RALGAPA2: variants seen among roughly 807,000 people sequenced by gnomAD.
RALGAPA2 encodes Ral GTPase activating protein catalytic subunit alpha 2.
Under a neutral mutation model 230.4 loss-of-function variants are expected in RALGAPA2, and 139 were observed. The observed-to-expected ratio is 0.60, with a 90% CI of 0.53 to 0.69. RALGAPA2 has a LOEUF of 0.69. RALGAPA2 is among the 30% of genes least tolerant of loss of function. The pLI is 0.00. For synonymous variants in RALGAPA2, 847 were observed against 837.8 expected (o/e 1.01, Z -0.19); for missense variants, 2,163 against 2,276.0 (o/e 0.95, Z 1.01).
intron 23 of RALGAPA2, among the ~76,000 whole-genome samples, chr20:20,566,143 C>T (rs2064413828): frequency 6.6e-6 from 1 of 152,130 alleles, no homozygotes; most frequent in South Asian, 2.1e-4. Flanking sequence ...GTGCTGCTGC[C>T]CACCACTCCC....
intron 34 of RALGAPA2, among the ~76,000 whole-genome samples, chr20:20,503,975 C>T (rs577894320): frequency 4.6e-5 from 7 of 151,770 alleles, no homozygotes; most frequent in Admixed American, 2.6e-4. Flanking sequence ...GTTGAACAAC[C>T]ACTTTACACC....
intron 37 of RALGAPA2, among the ~76,000 whole-genome samples, chr20:20,449,728 G>C (rs1017014538): frequency 2.6e-5 from 4 of 152,172 alleles, no homozygotes; most frequent in Non-Finnish European, 5.9e-5. Context: ...TGAACTCATG[G>C]GGTAGAATAG....
At chr20:20,600,032 C>T (rs1005627785) in intron 16 of RALGAPA2, among the ~76,000 whole-genome samples, 2 of 151,888 alleles carry the variant, frequency 1.3e-5, no homozygotes, top group African/African-American at 4.8e-5. Context: ...TGGCAGCTCA[C>T]TCCTGTAATC....
At chr20:20,616,442 A>G (rs554054184) in intron 12 of RALGAPA2, among the ~76,000 whole-genome samples, 10 of 152,334 alleles carry the variant, frequency 6.6e-5, no homozygotes, top group South Asian at 6.2e-4. Flanking sequence ...TCACTATTAC[A>G]TATTAATTGC....
chr20:20,625,857 G>T (rs1039370259), intron 10 of RALGAPA2, among the ~76,000 whole-genome samples: 3 of 152,154 alleles, frequency 2.0e-5, no homozygotes, highest in Admixed American at 2.0e-4. Flanking sequence ...TCCTGCTGGG[G>T]ATGGCAGCAG....
intron 9 of RALGAPA2, among the ~76,000 whole-genome samples, chr20:20,634,756 C>G (rs1392779199): frequency 6.6e-6 from 1 of 152,230 alleles, no homozygotes; most frequent in Non-Finnish European, 1.5e-5. Context: ...TGGCTGCTCT[C>G]TGACCTCCAC....
At chr20:20,401,237 G>C (rs886148284) in intron 38 of RALGAPA2, among the ~76,000 whole-genome samples, 1 of 152,080 alleles carries the variant, frequency 6.6e-6, no homozygotes, top group Non-Finnish European at 1.5e-5. Context: ...AGGTGGTCTG[G>C]GTGGCACTAC....
In RALGAPA2 at chr20:20,620,507, C is replaced by G. The variant is rs754537495; in HGVS notation, c.1357G>C (p.Glu453Gln). The part of the protein sequence containing the change: ...EEPDRKDVAQ[E>Q]DAEKLGFSET... ...GAAAATCCTAATTTTTCAGCATCTT[C>G]TTGGGCAACATCTTTTCTATCTGGC... The change falls in exon 11 of 40, where the codon GAA (glutamate) becomes CAA (glutamine). Residue 453 changes from glutamate to glutamine, a missense_variant. Physicochemically the swap from Glu to Gln is conservative, Grantham distance 29 (BLOSUM62 2). Coordinates refer to ENST00000202677, the MANE Select transcript of RALGAPA2 (RefSeq NM_020343.4). 1 of 1,613,960 alleles carries G rather than the reference C, an allele frequency of 6.2e-7. No individual in the cohort carries two copies. Among genetic ancestry groups the G allele is most frequent in the Non-Finnish European group, 8.5e-7 (1 of 1,179,832 alleles).
intron 37 of RALGAPA2, among the ~76,000 whole-genome samples, chr20:20,432,316 C>T (rs1323231201): frequency 6.6e-6 from 1 of 152,170 alleles, no homozygotes; most frequent in Non-Finnish European, 1.5e-5. Context: ...TAAGGAGCTG[C>T]CTTGTGTCAC....
chr20:20,649,698 A>C (rs1315583959), intron 4 of RALGAPA2, among the ~76,000 whole-genome samples: 3 of 152,178 alleles, frequency 2.0e-5, no homozygotes, highest in Non-Finnish European at 2.9e-5. Context: ...CGGGCACAGC[A>C]CTGTACACTG....
intron 1 of RALGAPA2, among the ~76,000 whole-genome samples, chr20:20,690,100 TATC>T (rs533837733): frequency 3.7e-4 from 56 of 152,354 alleles, no homozygotes; most frequent in African/African-American, 1.3e-3. Flanking sequence ...ACTTGTCTAA[TATC>T]ATCAAGATTT....
intron 37 of RALGAPA2, among the ~76,000 whole-genome samples, chr20:20,450,019 G>A (rs1481805045): frequency 2.6e-5 from 4 of 152,104 alleles, no homozygotes; most frequent in East Asian, 1.9e-4. Flanking sequence ...TTTCATCCTC[G>A]CTTCCTGGGC....
chr20:20,476,998 A>G (rs1361069232), intron 36 of RALGAPA2, among the ~76,000 whole-genome samples: 1 of 152,190 alleles, frequency 6.6e-6, no homozygotes, highest in Non-Finnish European at 1.5e-5. Flanking sequence ...TTCATTCCTA[A>G]AAGTTCAAAA....
At chr20:20,429,501 C>G (rs998201529) in intron 37 of RALGAPA2, among the ~76,000 whole-genome samples, 1 of 152,154 alleles carries the variant, frequency 6.6e-6, no homozygotes, top group African/African-American at 2.4e-5. Flanking sequence ...TAAGAAGCTA[C>G]AATTTAGAGG....
chr20:20,538,881 T>G (rs751515187), intron 24 of RALGAPA2, among the ~76,000 whole-genome samples: 7 of 152,162 alleles, frequency 4.6e-5, no homozygotes, highest in Non-Finnish European at 8.8e-5. Context: ...GCCCCTCCCA[T>G]GATAGCCTCC....
intron 25 of RALGAPA2, 62 bp downstream of exon 25, chr20:20,536,594 A>T: frequency 6.5e-7 from 1 of 1,546,184 alleles, no homozygotes; most frequent in African/African-American, 1.4e-5. Context: ...TGGAAGAGAT[A>T]ATCATACATC....
intron 36 of RALGAPA2, among the ~76,000 whole-genome samples, chr20:20,477,922 T>G (rs2061688669): frequency 6.6e-6 from 1 of 152,190 alleles, no homozygotes; most frequent in African/African-American, 2.4e-5. Flanking sequence ...TTTTGCACAA[T>G]AATGACACAG....
chr20:20,603,320 T>C (rs1434611411), intron 15 of RALGAPA2, among the ~76,000 whole-genome samples: 1 of 152,250 alleles, frequency 6.6e-6, no homozygotes, highest in Non-Finnish European at 1.5e-5. Flanking sequence ...TATTAATTAG[T>C]GCTTTGGCAA....
At chr20:20,673,191 A>C (rs1004149151) in intron 3 of RALGAPA2, among the ~76,000 whole-genome samples, 1 of 151,560 alleles carries the variant, frequency 6.6e-6, no homozygotes, top group African/African-American at 2.4e-5. Context: ...TCTTTAAAAA[A>C]ATAAAAAATA....
Sources: gnomAD v4.1 joint callset for allele counts (sites outside exome capture counted in the v4.1 genomes callset) on GRCh38, gnomAD v4.1.1 for gene constraint, MANE v1.5 for transcripts, NCBI Gene and HGNC (gene_info 2026-07-23, HGNC 2026-07-21) for gene names.